PDE4D: variants seen among roughly 807,000 people sequenced by gnomAD.
The protein encoded by PDE4D is 3',5'-cyclic-AMP phosphodiesterase 4D.
In PDE4D, 24 loss-of-function variants were observed where a neutral mutation model predicts 87.4. The observed-to-expected ratio is 0.27, with a 90% CI of 0.20 to 0.39. The LOEUF is 0.39. PDE4D is among the 10% of genes least tolerant of loss of function. The pLI is 1.00. For synonymous variants in PDE4D, 384 were observed against 383.2 expected, an observed-to-expected ratio of 1.00 and a Z score of -0.02; for missense variants, 714 against 1,041.0, an observed-to-expected ratio of 0.69 and a Z score of 4.32.
At chr5:59,798,555 A>C (rs1284505893) in intron 1 of PDE4D, among the ~76,000 whole-genome samples, 1 of 152,150 alleles carries the variant, frequency 6.6e-6, no homozygotes, top group Admixed American at 6.5e-5. Context: ...CAATTTTTGA[A>C]GTAGGAGAGG....
chr5:59,694,416 C>T (rs1751447016), intron 1 of PDE4D, among the ~76,000 whole-genome samples: 1 of 152,116 alleles, frequency 6.6e-6, no homozygotes, highest in African/African-American at 2.4e-5. Context: ...TTAAAGGAAT[C>T]TTATTTTAAT....
At chr5:60,272,214 A>C (rs1427521074) in intron 1 of PDE4D, among the ~76,000 whole-genome samples, 1 of 152,238 alleles carries the variant, frequency 6.6e-6, no homozygotes, top group Non-Finnish European at 1.5e-5. Context: ...ATGACCCCAT[A>C]CAACACAAAT....
Position 58,971,928 on chromosome 5 carries a change from G to C in PDE4D, c.*2736C>G, listed in dbSNP as rs970782541. 2 of 152,340 alleles carry C rather than the reference G, an allele frequency of 1.3e-5. No individual in the cohort carries two copies. Among genetic ancestry groups the C allele is most frequent in the South Asian group, 4.2e-4 (2 of 4,810 alleles). The allele number at this position is 152,340 out of a possible 1,614,324, so 9.4% of individuals were successfully genotyped here. A position where few individuals can be genotyped will look rare whatever the true frequency, so the allele number is the denominator to read the frequency against. On this transcript the variant is annotated 3_prime_UTR_variant, in exon 15 of 15. Coordinates refer to ENST00000340635, the MANE Select transcript of PDE4D (RefSeq NM_001104631.2). ...ACAGTGCATTAGTCCCTGTCTCTTG[G>C]ATATTGAGCCTTTTCTGCAATTTGA...
intron 1 of PDE4D, among the ~76,000 whole-genome samples, chr5:59,615,331 T>C (rs561154814): frequency 1.3e-5 from 2 of 152,326 alleles, no homozygotes; most frequent in Admixed American, 1.3e-4. Flanking sequence ...ACACTATGAC[T>C]TTCTGGTTCA....
intron 2 of PDE4D, among the ~76,000 whole-genome samples, chr5:60,044,176 C>T (rs1768879104): frequency 6.6e-6 from 1 of 151,936 alleles, no homozygotes; most frequent in Non-Finnish European, 1.5e-5. Flanking sequence ...TAATACAAGA[C>T]ATGATAAATG....
At chr5:59,148,817 T>A (rs1479732849) in intron 5 of PDE4D, among the ~76,000 whole-genome samples, 1 of 151,076 alleles carries the variant, frequency 6.6e-6, no homozygotes, top group Admixed American at 6.6e-5. Flanking sequence ...ATACACATTT[T>A]AAAAAATTGA....
intron 5 of PDE4D, among the ~76,000 whole-genome samples, chr5:59,126,158 G>A (rs1775372457): frequency 6.8e-6 from 1 of 147,902 alleles, no homozygotes. Context: ...AAAAAGGAAG[G>A]GAAGAAGGAA....
intron 1 of PDE4D, among the ~76,000 whole-genome samples, chr5:59,432,737 A>G (rs1485616291): frequency 6.6e-6 from 1 of 152,174 alleles, no homozygotes. Context: ...CTGAACTGAA[A>G]TATATATTGG....
At chr5:60,335,247 T>G (rs1757647725) in intron 1 of PDE4D, 1 of 152,210 alleles carries the variant, frequency 6.6e-6, no homozygotes, top group Non-Finnish European at 1.5e-5. Flanking sequence ...AACCTTGATT[T>G]GCACAGAGGA....
At chr5:60,167,588 T>A (rs2149475717) in intron 2 of PDE4D, among the ~76,000 whole-genome samples, 1 of 152,308 alleles carries the variant, frequency 6.6e-6, no homozygotes, top group South Asian at 2.1e-4. Flanking sequence ...CTTGATCAAG[T>A]CTGCTGTTGA....
intron 2 of PDE4D, among the ~76,000 whole-genome samples, chr5:60,162,506 T>C (rs1325945699): frequency 6.6e-6 from 1 of 152,150 alleles, no homozygotes; most frequent in African/African-American, 2.4e-5. Context: ...ATTTCTTTTA[T>C]TCTTGGTAGT....
intron 1 of PDE4D, among the ~76,000 whole-genome samples, chr5:59,830,899 C>G (rs754009778): frequency 1.3e-5 from 2 of 151,946 alleles, no homozygotes; most frequent in Non-Finnish European, 2.9e-5. Flanking sequence ...ATTGTGTTCA[C>G]CTATCATTTT....
intron 2 of PDE4D, among the ~76,000 whole-genome samples, chr5:59,993,690 C>T (rs1025333695): frequency 6.6e-6 from 1 of 151,540 alleles, no homozygotes; most frequent in Non-Finnish European, 1.5e-5. Flanking sequence ...TTCTGTATTC[C>T]CTATAATAAA....
intron 2 of PDE4D, among the ~76,000 whole-genome samples, chr5:60,168,359 A>G (rs1783120260): frequency 6.6e-6 from 1 of 152,152 alleles, no homozygotes; most frequent in Non-Finnish European, 1.5e-5. Flanking sequence ...AGTTTTTCCA[A>G]TTCCATAATC....
intron 1 of PDE4D, among the ~76,000 whole-genome samples, chr5:59,312,355 A>C (rs1252774089): frequency 1.3e-5 from 2 of 152,168 alleles, no homozygotes; most frequent in African/African-American, 4.8e-5. Flanking sequence ...TGTCGAAATG[A>C]CTTACACCTG....
At chr5:59,524,298 C>T (rs1233097310) in intron 1 of PDE4D, among the ~76,000 whole-genome samples, 1 of 152,152 alleles carries the variant, frequency 6.6e-6, no homozygotes, top group Non-Finnish European at 1.5e-5. Flanking sequence ...GACCAAAATG[C>T]TTATAGTGAT....
chr5:59,892,363 T>A (rs1245468795), intron 1 of PDE4D, among the ~76,000 whole-genome samples: 1 of 152,142 alleles, frequency 6.6e-6, no homozygotes, highest in East Asian at 1.9e-4. Context: ...AATCTCTACG[T>A]CTTGCCTGCT....
chr5:59,553,181 C>G (rs953302), intron 1 of PDE4D, among the ~76,000 whole-genome samples: 13,026 of 152,166 alleles, frequency 0.086, 662 homozygotes, highest in Admixed American at 0.14. Flanking sequence ...GTCTCTCTCC[C>G]TTTCCGTATG....
chr5:59,675,054 A>G (rs1747840024), intron 1 of PDE4D, among the ~76,000 whole-genome samples: 1 of 152,234 alleles, frequency 6.6e-6, no homozygotes, highest in Admixed American at 6.5e-5. Flanking sequence ...TATACGGTGT[A>G]ATGAGTTTCA....
Sources: allele counts gnomAD v4.1 joint callset (sites outside exome capture counted in the v4.1 genomes callset), GRCh38; gene constraint gnomAD v4.1.1; transcripts MANE v1.5; gene names NCBI Gene and HGNC (gene_info 2026-07-23, HGNC 2026-07-21).